The following CSMD1 variants were observed in gnomAD, a reference collection of about 807,000 sequenced individuals.
CSMD1 encodes the protein CUB and sushi domain-containing protein 1.
CSMD1 carries 213 observed loss-of-function variants against 417.5 expected under a neutral mutation model. The observed-to-expected ratio is 0.51, with a 90% CI of 0.46 to 0.57. The LOEUF (loss-of-function observed/expected upper bound fraction) is 0.57. CSMD1 is among the 20% of genes least tolerant of loss of function. CSMD1 has a pLI of 0.00. For synonymous variants in CSMD1, 2,862 were observed against 1,736.8 expected, an observed-to-expected ratio of 1.65 and a Z score of -16.11; for missense variants, 6,923 against 4,529.7, an observed-to-expected ratio of 1.53 and a Z score of -15.17.
chr8:4,417,595 A>G (rs1797014837), intron 3 of CSMD1, among the ~76,000 whole-genome samples: 1 of 152,026 alleles, frequency 6.6e-6, no homozygotes, highest in South Asian at 2.1e-4. Context: ...GTCTTGGATT[A>G]TACATCAGTA....
intron 25 of CSMD1, among the ~76,000 whole-genome samples, chr8:3,286,912 G>C (rs535500594): frequency 6.6e-6 from 1 of 152,066 alleles, no homozygotes; most frequent in South Asian, 2.1e-4. Flanking sequence ...CCTATGTCCT[G>C]AATGGTATTG....
At chr8:3,092,161 C>G (rs909420322) in intron 47 of CSMD1, among the ~76,000 whole-genome samples, 3 of 151,920 alleles carry the variant, frequency 2.0e-5, no homozygotes, top group African/African-American at 4.8e-5. Context: ...AACACTATTT[C>G]TCATGGCAAA....
intron 2 of CSMD1, among the ~76,000 whole-genome samples, chr8:4,584,622 C>T (rs1218018188): frequency 2.0e-5 from 3 of 152,040 alleles, no homozygotes; most frequent in Non-Finnish European, 2.9e-5. Context: ...CCATGCAGCT[C>T]CGGGGTCCCA....
intron 3 of CSMD1, among the ~76,000 whole-genome samples, chr8:4,379,204 T>G (rs985828656): frequency 5.3e-5 from 8 of 152,152 alleles, no homozygotes; most frequent in African/African-American, 1.4e-4. Flanking sequence ...CCCAAGTTCA[T>G]AAATTCAACC....
At chr8:4,009,588 C>G (rs187550200) in intron 4 of CSMD1, among the ~76,000 whole-genome samples, 1 of 152,220 alleles carries the variant, frequency 6.6e-6, no homozygotes. Context: ...GTAATTCCAA[C>G]TCAATTTTTA....
intron 42 of CSMD1, among the ~76,000 whole-genome samples, chr8:3,111,901 G>T (rs949741616): frequency 1.3e-5 from 2 of 152,002 alleles, no homozygotes; most frequent in Non-Finnish European, 2.9e-5. Context: ...TCTCCTGTTG[G>T]CAGTGCACTT....
At chr8:3,856,837 G>A (rs1804348033) in intron 5 of CSMD1, among the ~76,000 whole-genome samples, 1 of 152,138 alleles carries the variant, frequency 6.6e-6, no homozygotes, top group Non-Finnish European at 1.5e-5. Flanking sequence ...TAACAGAACA[G>A]GCAACTGAGC....
chr8:3,197,519 G>A (rs1796767078), intron 33 of CSMD1, among the ~76,000 whole-genome samples: 1 of 143,736 alleles, frequency 7.0e-6, no homozygotes, highest in African/African-American at 2.6e-5. Context: ...AGGCTGGAGT[G>A]CAGTGGCGCG....
intron 3 of CSMD1, among the ~76,000 whole-genome samples, chr8:4,397,827 G>T (rs1429456343): frequency 6.6e-6 from 1 of 151,898 alleles, no homozygotes; most frequent in African/African-American, 2.4e-5. Flanking sequence ...TTTATAATCG[G>T]AAAATAATGT....
At chr8:3,260,613 G>T (rs1040627754) in intron 26 of CSMD1, among the ~76,000 whole-genome samples, 1 of 151,380 alleles carries the variant, frequency 6.6e-6, no homozygotes, top group Non-Finnish European at 1.5e-5. Flanking sequence ...GCTGAGGATG[G>T]CTCCAGTGCT....
Position 2,974,532 on chromosome 8 carries a change from C to A in CSMD1, c.8659G>T (p.Gly2887Trp). 6.2e-7 allele frequency: 1 copy of A among 1,613,618 alleles called. No homozygotes were observed. The highest frequency in any genetic ancestry group is 8.5e-7 in the Non-Finnish European group (1 of 1,179,742). ...YGAVVHYSCR[G>W]SESLIGNDTR... The stretch of plus-strand genomic sequence containing the variant: ...TCGTTGCCTATGAGGCTCTCGCTCC[C>A]TCTGCAGGAGTAGTGCACGACGGCG... The change falls in exon 56 of 70, where the codon GGG (glycine) becomes TGG (tryptophan). Residue 2887 changes from glycine (G) to tryptophan (W), a missense_variant. By Grantham distance (184) the Gly-to-Trp change is radical (BLOSUM62 -2). Transcript: ENST00000635120.
At chr8:4,978,527 T>G (rs759934232) in intron 1 of CSMD1, among the ~76,000 whole-genome samples, 1 of 152,226 alleles carries the variant, frequency 6.6e-6, no homozygotes, top group Non-Finnish European at 1.5e-5. Flanking sequence ...ACAGATTTAC[T>G]ATATTGCCAA....
chr8:3,393,661 A>G (rs1221262352), intron 17 of CSMD1, among the ~76,000 whole-genome samples: 1 of 152,112 alleles, frequency 6.6e-6, no homozygotes, highest in African/African-American at 2.4e-5. Context: ...ATGCAACCAT[A>G]AAAATTGATG....
chr8:4,065,295 C>G (rs965089705), intron 3 of CSMD1, among the ~76,000 whole-genome samples: 8 of 152,170 alleles, frequency 5.3e-5, no homozygotes, highest in African/African-American at 1.9e-4. Flanking sequence ...TTCCCCATCC[C>G]CCTCAGTAGC....
At chr8:4,802,798 C>A (rs970251901) in intron 1 of CSMD1, among the ~76,000 whole-genome samples, 17 of 152,080 alleles carry the variant, frequency 1.1e-4, no homozygotes, top group Non-Finnish European at 2.5e-4. Flanking sequence ...AAATCCGTGA[C>A]GTCATAGGGA....
At chr8:3,695,825 A>G (rs1457557088) in intron 7 of CSMD1, among the ~76,000 whole-genome samples, 2 of 152,188 alleles carry the variant, frequency 1.3e-5, no homozygotes, top group Non-Finnish European at 2.9e-5. Flanking sequence ...CCAACTTAAA[A>G]TAGCATTATT....
chr8:3,165,815 CAGG>C (rs1820174877), intron 37 of CSMD1, among the ~76,000 whole-genome samples: 1 of 152,014 alleles, frequency 6.6e-6, no homozygotes, highest in Non-Finnish European at 1.5e-5. Flanking sequence ...GAGTGGAGCA[CAGG>C]AGAACTCTGA....
Position 4,689,232 on chromosome 8 carries a change from T to C in CSMD1, c.86-51674A>G, listed in dbSNP as rs114067362. ...TCCTACTGTGAGGTGATTTTGCATG[T>C]ATTAAACCAAGCGTAACAGTATGGA... On this transcript the variant is annotated intron_variant, in intron 1 of 69. Coordinates refer to ENST00000635120, the MANE Select transcript of CSMD1 (RefSeq NM_033225.6). Among the ~76,000 whole-genome samples the C allele has an allele frequency of 2.6e-3, 395 of 152,328 alleles. 3 individuals are homozygous for C. Among genetic ancestry groups the C allele is most frequent in the African/African-American group, 9.2e-3 (381 of 41,578 alleles).
chr8:3,244,568 T>G (rs1799757940), intron 26 of CSMD1, among the ~76,000 whole-genome samples: 1 of 152,144 alleles, frequency 6.6e-6, no homozygotes, highest in Admixed American at 6.5e-5. Context: ...GCTGCAGACA[T>G]CAGCTCTTCA....
Sources: gnomAD v4.1 joint callset for allele counts (sites outside exome capture counted in the v4.1 genomes callset) on GRCh38, gnomAD v4.1.1 for gene constraint, MANE v1.5 for transcripts, NCBI Gene and HGNC (gene_info 2026-07-23, HGNC 2026-07-21) for gene names.